CATSPERT: variants seen among roughly 807,000 people sequenced by gnomAD.
CATSPERT encodes the protein cation channel sperm-associated targeting subunit tau.
At chr2:201,524,916 A>G in the CATSPERT span, among the ~76,000 whole-genome samples, 2 of 152,366 alleles carry the variant, frequency 1.3e-5, no homozygotes, top group South Asian at 4.1e-4. Flanking sequence ...AGAAGACTTA[A>G]CTATCCTAAA....
At chr2:201,570,380 A>T in the CATSPERT span, among the ~76,000 whole-genome samples, 1 of 152,204 alleles carries the variant, frequency 6.6e-6, no homozygotes, top group African/African-American at 2.4e-5. Flanking sequence ...AACCCAAAGG[A>T]GTAAAATTTG....
At chr2:201,565,971 T>C in the CATSPERT span, 1 of 1,109,150 alleles carries the variant, frequency 9.0e-7, no homozygotes, top group Non-Finnish European at 1.2e-6. Context: ...TTTTACACTT[T>C]TAGCTCACCT....
chr2:201,610,770 T>C, the CATSPERT span, among the ~76,000 whole-genome samples: 2 of 151,790 alleles, frequency 1.3e-5, no homozygotes, highest in East Asian at 1.9e-4. Context: ...TATATATATA[T>C]ACCATGATCA....
the CATSPERT span, among the ~76,000 whole-genome samples, chr2:201,568,180 A>G: frequency 1.3e-5 from 2 of 152,162 alleles, no homozygotes; most frequent in South Asian, 4.2e-4. Flanking sequence ...AGGCCCTTGA[A>G]TTTTTGTCAT....
chr2:201,532,397 A>G, the CATSPERT span, among the ~76,000 whole-genome samples: 1 of 152,172 alleles, frequency 6.6e-6, no homozygotes, highest in Non-Finnish European at 1.5e-5. Flanking sequence ...AGGGGTGGAG[A>G]GTTAGTGGAG....
chr2:201,604,574 TA>T, the CATSPERT span: 1 of 1,313,466 alleles, frequency 7.6e-7, no homozygotes. Context: ...AAATAATAAA[TA>T]ACTTATACAG....
the CATSPERT span, chr2:201,565,760 G>A: frequency 6.4e-7 from 1 of 1,561,156 alleles, no homozygotes; most frequent in Non-Finnish European, 8.7e-7. Context: ...AGTTTTTCAA[G>A]TCGCACTACA....
At chr2:201,547,301 A>G in the CATSPERT span, among the ~76,000 whole-genome samples, 2 of 152,146 alleles carry the variant, frequency 1.3e-5, no homozygotes, top group African/African-American at 4.8e-5. Flanking sequence ...ATCCTTATAA[A>G]TTATCAGTAA....
At chr2:201,507,715 C>A in the CATSPERT span, among the ~76,000 whole-genome samples, 1 of 151,988 alleles carries the variant, frequency 6.6e-6, no homozygotes, top group African/African-American at 2.4e-5. Flanking sequence ...AAAGAACTAC[C>A]TGAAACTGGG....
At chr2:201,495,156 AT>A in the CATSPERT span, among the ~76,000 whole-genome samples, 4,512 of 147,844 alleles carry the variant, frequency 0.031, 82 homozygotes, top group Middle Eastern at 0.078. Context: ...AATGTAGGAA[AT>A]TTTTTTTTTT....
chr2:201,545,629 C>CAAAA, the CATSPERT span: 268 of 156,506 alleles, frequency 1.7e-3, no homozygotes, highest in African/African-American at 1.9e-3. Context: ...TTCCTAGAAG[C>CAAAA]AAAAAAAAAA....
At chr2:201,592,001 G>A in the CATSPERT span, among the ~76,000 whole-genome samples, 7 of 152,052 alleles carry the variant, frequency 4.6e-5, no homozygotes, top group Non-Finnish European at 7.4e-5. Flanking sequence ...TAATTGCCCT[G>A]GCCAGAACTT....
At chr2:201,614,422 A>G in the CATSPERT span, among the ~76,000 whole-genome samples, 1 of 152,240 alleles carries the variant, frequency 6.6e-6, no homozygotes, top group African/African-American at 2.4e-5. Context: ...TTTAAAGAAA[A>G]GAATTTTCAA....
chr2:201,608,834 GAAAC>G, the CATSPERT span, among the ~76,000 whole-genome samples: 457 of 145,874 alleles, frequency 3.1e-3, 2 homozygotes, highest in African/African-American at 0.011. Flanking sequence ...AAAAAAGAAA[GAAAC>G]AAACAAAGAA....
the CATSPERT span, among the ~76,000 whole-genome samples, chr2:201,608,866 G>C: frequency 7.1e-6 from 1 of 141,386 alleles, no homozygotes; most frequent in African/African-American, 2.6e-5. Context: ...AAAAAGAAAA[G>C]AGAAAGAAAG....
At chr2:201,572,855 G>C in the CATSPERT span, among the ~76,000 whole-genome samples, 1 of 152,046 alleles carries the variant, frequency 6.6e-6, no homozygotes, top group Non-Finnish European at 1.5e-5. Context: ...CATAATATAG[G>C]CACAATTTTA....
At chr2:201,505,897 T>C in the CATSPERT span, among the ~76,000 whole-genome samples, 1 of 152,192 alleles carries the variant, frequency 6.6e-6, no homozygotes, top group Non-Finnish European at 1.5e-5. Context: ...CTCTCTAATA[T>C]CTTTACAAGT....
the CATSPERT span, chr2:201,537,370 A>G: frequency 7.7e-7 from 1 of 1,303,622 alleles, no homozygotes; most frequent in Non-Finnish European, 1.1e-6. Context: ...ATATTTCTCC[A>G]TTTATAAATA....
the CATSPERT span, among the ~76,000 whole-genome samples, chr2:201,525,817 C>T: frequency 6.6e-6 from 1 of 151,906 alleles, no homozygotes. Context: ...TACAAAAAAC[C>T]TTCAGAGACT....
Sources: allele counts gnomAD v4.1 joint callset (sites outside exome capture counted in the v4.1 genomes callset), GRCh38; gene constraint gnomAD v4.1.1; transcripts MANE v1.5; gene names NCBI Gene and HGNC (gene_info 2026-07-23, HGNC 2026-07-21).